Variants in MAGI2 observed in about 807,000 individuals in gnomAD.
MAGI2 encodes the protein membrane-associated guanylate kinase, WW and PDZ domain-containing protein 2.
A neutral mutation model predicts 133.3 loss-of-function variants in MAGI2; 35 were observed. The observed-to-expected ratio is 0.26, with a 90% CI of 0.20 to 0.35. The LOEUF (loss-of-function observed/expected upper bound fraction) is 0.35, where lower values mean the gene tolerates loss of function less well. Ranked by LOEUF, MAGI2 falls within the 10% of genes least tolerant of loss-of-function variation. MAGI2 has a pLI of 1.00. For missense variants in MAGI2, 1,636 were observed against 1,863.4 expected (o/e 0.88, Z 2.25); for synonymous variants, 729 against 710.6 (o/e 1.03, Z -0.41).
intron 3 of MAGI2, 28 bp downstream of exon 3, chr7:78,627,088 CAAGA>C: frequency 3.2e-6 from 5 of 1,547,616 alleles, no homozygotes; most frequent in Non-Finnish European, 4.3e-6. Context: ...GTGATGCCAA[CAAGA>C]AAGATTTCTC....
At chr7:79,059,077 T>C (rs1462786502) in intron 1 of MAGI2, among the ~76,000 whole-genome samples, 1 of 152,058 alleles carries the variant, frequency 6.6e-6, no homozygotes, top group Non-Finnish European at 1.5e-5. Context: ...GGTTGGTGCA[T>C]TACCTTTAAC....
At chr7:78,868,190 C>CA (rs1341832187) in intron 2 of MAGI2, among the ~76,000 whole-genome samples, 1 of 150,394 alleles carries the variant, frequency 6.6e-6, no homozygotes, top group Admixed American at 6.6e-5. Context: ...TGGAAAATGG[C>CA]ATACTTAATT....
rs1788848310 is a variant in MAGI2, at chr7:78,328,589, TC to T, written c.1408+15188del. On this transcript the variant is annotated intron_variant, in intron 9 of 21. Coordinates refer to ENST00000354212, the MANE Select transcript of MAGI2 (RefSeq NM_012301.4). ...ACTTTAACACTTTAAAGGCTTTATATCCCAATCCTGGATCACAATCTTATAC... is the reference window on the plus strand; with the variant it reads ...ACTTTAACACTTTAAAGGCTTTATATCCAATCCTGGATCACAATCTTATAC... Among the ~76,000 whole-genome samples, 3 of 150,568 alleles carry T rather than the reference TC, an allele frequency of 2.0e-5. No individual in the cohort carries two copies. The South Asian group carries it at 6.4e-4, about 32-fold the overall frequency.
chr7:79,277,239 G>A (rs1053755528), intron 1 of MAGI2, among the ~76,000 whole-genome samples: 2 of 152,112 alleles, frequency 1.3e-5, no homozygotes, highest in Admixed American at 1.3e-4. Context: ...AGGGAGGCAA[G>A]ACCCTTCATC....
chr7:78,350,970 C>A (rs1328040258), intron 7 of MAGI2, among the ~76,000 whole-genome samples: 9 of 152,120 alleles, frequency 5.9e-5, no homozygotes, highest in Non-Finnish European at 1.2e-4. Flanking sequence ...AGGTTACTAT[C>A]CTGCTATCTT....
rs554010061 is a variant in MAGI2, at chr7:78,529,668, G to GTTTTTTTTTTTTTTTTTTTTTTTTT, written c.539-8048_539-8024dup. ...TTTCTTTTCCTTGCTAAAGGAGATG[G>GTTTTTTTTTTTTTTTTTTTTTTTTT]TTTTTTTTTTTTTTTTTTTTTTTTT... is the stretch of plus-strand genomic sequence containing the variant. On this transcript the variant is annotated intron_variant, in intron 3 of 21. Transcript: ENST00000354212. Among the ~76,000 whole-genome samples, 45 of 57,424 alleles carry GTTTTTTTTTTTTTTTTTTTTTTTTT rather than the reference G, an allele frequency of 7.8e-4. 14 individuals carry two copies. Among genetic ancestry groups the GTTTTTTTTTTTTTTTTTTTTTTTTT allele is most frequent in the Admixed American group, 1.2e-3 (4 of 3,398 alleles). The allele number at this position is 57,424 out of a possible 152,430, so 37.7% of individuals were successfully genotyped here.
intron 1 of MAGI2, among the ~76,000 whole-genome samples, chr7:79,073,965 T>C (rs2129541438): frequency 6.6e-6 from 1 of 152,208 alleles, no homozygotes; most frequent in African/African-American, 2.4e-5. Context: ...AGAGACAACC[T>C]CATAGATTTT....
At chr7:78,116,326 C>T (rs1463981732) in intron 20 of MAGI2, among the ~76,000 whole-genome samples, 1 of 146,222 alleles carries the variant, frequency 6.8e-6, no homozygotes, top group East Asian at 2.0e-4. Flanking sequence ...TGAAGAAAGC[C>T]TAAGAACTAC....
intron 16 of MAGI2, among the ~76,000 whole-genome samples, chr7:78,157,902 C>T (rs1824556371): frequency 6.6e-6 from 1 of 152,158 alleles, no homozygotes; most frequent in Admixed American, 6.5e-5. Context: ...ATTGTACTTT[C>T]AGATGTATGT....
At chr7:78,740,635 CA>C (rs907725464) in intron 2 of MAGI2, among the ~76,000 whole-genome samples, 5 of 152,182 alleles carry the variant, frequency 3.3e-5, no homozygotes, top group Admixed American at 6.5e-5. Flanking sequence ...CTCAGAAATT[CA>C]GTTCAGTTTT....
At chr7:78,985,177 T>C (rs1003969337) in intron 2 of MAGI2, among the ~76,000 whole-genome samples, 2 of 152,090 alleles carry the variant, frequency 1.3e-5, no homozygotes, top group East Asian at 3.9e-4. Context: ...ATATATTCTT[T>C]AGAGACATAA....
In MAGI2 at chr7:78,578,998, G is replaced by A. The variant is rs182094954; in HGVS notation, c.538+48122C>T. 1.1e-3 allele frequency among the ~76,000 whole-genome samples: 171 copies of A among 152,246 alleles called. 1 individual carries two copies. The highest frequency in any genetic ancestry group is 2.0e-3 in the Non-Finnish European group (136 of 68,018). On this transcript the variant is annotated intron_variant, in intron 3 of 21. Transcript: ENST00000354212. Reference sequence around the variant, plus strand: ...CCAATGCCTGGAAAACCCTCACCGGGGGTTCTACAGTCAGCCTTCTATTCC... The same window carrying A: ...CCAATGCCTGGAAAACCCTCACCGGAGGTTCTACAGTCAGCCTTCTATTCC...
At chr7:78,565,893 C>T (rs373532597) in intron 3 of MAGI2, among the ~76,000 whole-genome samples, 20 of 152,208 alleles carry the variant, frequency 1.3e-4, no homozygotes, top group African/African-American at 4.3e-4. Flanking sequence ...TTTGGCATCC[C>T]GGGCTGCCAC....
chr7:79,256,079 TTAGGAAC>T (rs1585342519), intron 1 of MAGI2, among the ~76,000 whole-genome samples: 1 of 152,126 alleles, frequency 6.6e-6, no homozygotes, highest in Non-Finnish European at 1.5e-5. Flanking sequence ...GTCATATAGA[TTAGGAAC>T]TAGAAAGAAT....
intron 1 of MAGI2, among the ~76,000 whole-genome samples, chr7:79,376,584 G>A (rs1843393262): frequency 6.6e-6 from 1 of 151,828 alleles, no homozygotes; most frequent in Non-Finnish European, 1.5e-5. Context: ...AATGACTAAT[G>A]GGTGGGTAGC....
At chr7:78,899,481 C>G (rs983271000) in intron 2 of MAGI2, among the ~76,000 whole-genome samples, 8 of 152,180 alleles carry the variant, frequency 5.3e-5, no homozygotes, top group African/African-American at 1.9e-4. Context: ...AAAATCCTAC[C>G]TTGGCTATCT....
intron 9 of MAGI2, among the ~76,000 whole-genome samples, chr7:78,259,500 T>C (rs1049757543): frequency 2.0e-5 from 3 of 152,226 alleles, no homozygotes; most frequent in Non-Finnish European, 4.4e-5. Context: ...TAAATTGTTA[T>C]GCAAAAGATG....
intron 3 of MAGI2, among the ~76,000 whole-genome samples, chr7:78,529,977 T>C (rs1797325132): frequency 2.0e-5 from 3 of 152,150 alleles, no homozygotes; most frequent in African/African-American, 7.2e-5. Context: ...AAATCCAGTG[T>C]ATAGTTTACA....
At chr7:78,176,255 T>C (rs1242855946) in intron 14 of MAGI2, among the ~76,000 whole-genome samples, 2 of 152,142 alleles carry the variant, frequency 1.3e-5, no homozygotes, top group Non-Finnish European at 2.9e-5. Flanking sequence ...TTTTCCCTCC[T>C]CTCAAAGCAC....
Sources: allele counts gnomAD v4.1 joint callset (sites outside exome capture counted in the v4.1 genomes callset), GRCh38; gene constraint gnomAD v4.1.1; transcripts MANE v1.5; gene names NCBI Gene and HGNC (gene_info 2026-07-23, HGNC 2026-07-21).